The following MYH1 variants were observed in gnomAD, a reference collection of about 807,000 sequenced individuals.
The protein encoded by MYH1 is myosin-1.
In MYH1, 214 loss-of-function variants were observed where a neutral mutation model predicts 225.6. The observed-to-expected ratio is 0.95, with a 90% CI of 0.85 to 1.06. The LOEUF is 1.06. Ranked by LOEUF, MYH1 falls within the 50% of genes least tolerant of loss-of-function variation. The pLI, the probability that MYH1 is intolerant of heterozygous loss-of-function variation, is 0.00. For missense variants in MYH1, 2,098 were observed against 2,344.2 expected (o/e 0.89, Z 2.17); for synonymous variants, 774 against 842.3 (o/e 0.92, Z 1.40).
At position 10,515,882 on chromosome 17, in the gene MYH1, T is replaced by C; in HGVS notation, c.505+44A>G. The C allele has an allele frequency of 3.1e-6, 5 of 1,613,738 alleles. No homozygotes were observed. The South Asian group carries it at 5.5e-5, about 18-fold the overall frequency. On this transcript the variant is annotated intron_variant, in intron 5 of 39. Transcript: ENST00000226207. ...TTTTAGTTCTAATATTTTGTGATTA[T>C]GGATGGTAAAATAATTCATATGAAA... is the stretch of plus-strand genomic sequence containing the variant.
chr17:10,515,805 A>G, intron 5 of MYH1, 121 bp downstream of exon 5: 2 of 1,519,502 alleles, frequency 1.3e-6, no homozygotes, highest in African/African-American at 1.4e-5. Context: ...TGCTTTAGTC[A>G]CCTCTGCTGA....
At position 10,494,598 on chromosome 17, in the gene MYH1, C is replaced by T. The variant is rs772034673; in HGVS notation, c.5542G>A (p.Glu1848Lys). The T allele has an allele frequency of 6.2e-7, 1 of 1,614,012 alleles. No homozygotes were observed. The highest frequency in any genetic ancestry group is 1.1e-5 in the South Asian group (1 of 91,046). Residue 1848 changes from glutamate (E) to lysine (K), a missense_variant, in exon 38 of 40, where the codon GAG becomes AAG. Transcript: ENST00000226207. Reference protein sequence around the residue: ...VEAVKGLRKHERKVKELTYQT... With the variant: ...VEAVKGLRKHKRKVKELTYQT... The stretch of plus-strand genomic sequence containing the variant: ...TAAGTGAGTTCCTTCACTTTTCTCT[C>T]ATGTTTGCGTAGACCCTTGACAGCT...
Position 10,496,536 on chromosome 17 carries a change from T to C in MYH1, c.4670A>G (p.His1557Arg), listed in dbSNP as rs781255683. Reference protein sequence around the residue: ...ALEEAEASLEHEEGKILRIQL... With the variant: ...ALEEAEASLEREEGKILRIQL... ...GATGCGCAGGATCTTTCCCTCTTCA[T>C]GTTCAAGAGATGCCTTAATGACAGC... The change falls in exon 34 of 40, where the codon CAT (histidine) becomes CGT (arginine). Residue 1557 changes from histidine (H) to arginine (R), a missense_variant. His to Arg is a conservative substitution (Grantham distance 29, BLOSUM62 0). Coordinates refer to ENST00000226207, the MANE Select transcript of MYH1 (RefSeq NM_005963.4). 6.2e-7 allele frequency: 1 copy of C among 1,614,148 alleles called. No homozygotes were observed. Among genetic ancestry groups the C allele is most frequent in the Non-Finnish European group, 8.5e-7 (1 of 1,180,034 alleles).
Position 10,492,517 on chromosome 17 carries a change from G to T in MYH1, c.5719C>A (p.Leu1907Met). ...TCAGCCCGTTCCTCGGCCTCCTCCA[G>T]CTCGTGCTGGATCCTGCGGAATTTG... The part of the protein sequence containing the change: ...LSKFRRIQHE[L>M]EEAEERADIA... Residue 1907 changes from leucine to methionine, a missense_variant, in exon 40 of 40, where the codon CTG (leucine) becomes ATG (methionine). Leu to Met is a conservative substitution (Grantham distance 15, BLOSUM62 2). Transcript: ENST00000226207. 6.2e-7 allele frequency: 1 copy of T among 1,614,116 alleles called. No individual in the cohort carries two copies. Among genetic ancestry groups the T allele is most frequent in the Non-Finnish European group, 8.5e-7 (1 of 1,179,990 alleles).
At position 10,502,858 on chromosome 17, in the gene MYH1, G is replaced by C; in HGVS notation, c.2991C>G (p.Thr997=). The C allele has an allele frequency of 6.2e-7, 1 of 1,613,936 alleles. No homozygotes were observed. Among genetic ancestry groups the C allele is most frequent in the South Asian group, 1.1e-5 (1 of 91,070 alleles). The change falls in exon 24 of 40, where the codon ACC becomes ACG. Residue 997 remains threonine, a synonymous_variant. Transcript: ENST00000226207. ...AGLDETIAKL[T]KEKKALQEAH... is the part of the protein sequence containing the mutation. Reference sequence around the variant, plus strand: ...CCTCCTGGAGAGCCTTCTTCTCCTTGGTCAGCTTAGCAATGGTTTCATCCA... The same window carrying C: ...CCTCCTGGAGAGCCTTCTTCTCCTTCGTCAGCTTAGCAATGGTTTCATCCA...
At chr17:10,494,492 T>C (rs2072966811) in intron 38 of MYH1, 43 bp from the exon 39 acceptor site, 1 of 1,610,174 alleles carries the variant, frequency 6.2e-7, no homozygotes, top group Non-Finnish European at 8.5e-7. Context: ...AAAGTACAAA[T>C]ATTACATTTT....
rs1367699607 is a variant in MYH1 at position 10,512,670 on chromosome 17, G to A, written c.1008+11C>T. The A allele has an allele frequency of 2.5e-6, 4 of 1,612,806 alleles. No homozygotes were observed. The highest frequency in any genetic ancestry group is 1.7e-5 in the Admixed American group (1 of 59,990). The stretch of plus-strand genomic sequence containing the variant: ...TAATGGATTTTAAATTAAAATTCAT[G>A]TATAACTTACATCTGTAGCCATCAA... On this transcript the variant is annotated intron_variant, in intron 11 of 39. Transcript: ENST00000226207.
chr17:10,513,146 GA>G (rs1328221879), intron 9 of MYH1, among the ~76,000 whole-genome samples, 181 bp from the exon 10 acceptor site: 3 of 152,008 alleles, frequency 2.0e-5, no homozygotes, highest in Non-Finnish European at 4.4e-5. Flanking sequence ...TGCCTCCTGG[GA>G]AAAAAGTGAA....
At chr17:10,494,317 G>T in intron 39 of MYH1, 37 bp downstream of exon 39, 1 of 1,577,158 alleles carries the variant, frequency 6.3e-7, no homozygotes. Flanking sequence ...GCCTGGTCAT[G>T]TCTGAGAAAA....
rs771180196 is a variant in MYH1, at chr17:10,499,104, C to T, written c.3866-12G>A. 1 of 1,594,062 alleles carries T rather than the reference C, an allele frequency of 6.3e-7. No homozygotes were observed. The highest frequency in any genetic ancestry group is 8.6e-7 in the Non-Finnish European group (1 of 1,163,924). ...GCGTGAATATTCACCTGTAAAAGACCAAGTCCAGAAAACTCAACCTTACTT... is the reference window on the plus strand; with the variant it reads ...GCGTGAATATTCACCTGTAAAAGACTAAGTCCAGAAAACTCAACCTTACTT... On this transcript the variant is annotated splice_polypyrimidine_tract_variant and intron_variant, in intron 28 of 39. Transcript: ENST00000226207.
In MYH1 at chr17:10,492,625, G is replaced by A. The variant is rs372441440; in HGVS notation, c.5668-57C>T. 8.6e-6 allele frequency: 13 copies of A among 1,517,674 alleles called. No individual in the cohort carries two copies. The African/African-American group carries it at 1.3e-4, about 15-fold the overall frequency. The allele number at this position is 1,517,674 out of a possible 1,614,324, so 94.0% of individuals were successfully genotyped here. The stretch of plus-strand genomic sequence containing the variant: ...AAGTTCAGAATTTTTCCATTCTTAG[G>A]TCAGTGGATCTTGAATTTCCTTTTT... On this transcript the variant is annotated intron_variant, in intron 39 of 39. Transcript: ENST00000226207.
At chr17:10,493,853 C>A (rs2072959660) in intron 39 of MYH1, among the ~76,000 whole-genome samples, 1 of 152,220 alleles carries the variant, frequency 6.6e-6, no homozygotes, top group African/African-American at 2.4e-5. Context: ...CTCTGCTCCA[C>A]TCTCTTATCC....
rs565358656 is a variant in MYH1 at position 10,501,031 on chromosome 17, C to G, written c.3738+79G>C. 601 of 1,571,774 alleles carry G rather than the reference C, an allele frequency of 3.8e-4. 7 individuals carry two copies. In the South Asian group the frequency reaches 5.5e-3, roughly 14 times the overall value. On this transcript the variant is annotated intron_variant, in intron 27 of 39. Coordinates refer to ENST00000226207, the MANE Select transcript of MYH1 (RefSeq NM_005963.4). ...AGGGTGCCTGATTTAGTTCATGAGA[C>G]GTTTTTGAGATACAAATCATATTTG...
rs756694782 is a variant in MYH1 at position 10,505,465 on chromosome 17, CGATG to C, written c.2217_2220del (p.Phe739LeufsTer38). 9 of 1,614,146 alleles carry C rather than the reference CGATG, an allele frequency of 5.6e-6. No homozygotes were observed. The African/African-American group carries it at 1.1e-4, about 19-fold the overall frequency. The stretch of plus-strand genomic sequence containing the variant: ...AGCTTCTCTGAAGCCTTCTTGCTAT[CGATG>C]AATTGTCCTTCAGGGATAGCACTTG... On this transcript the variant is annotated frameshift_variant, in exon 20 of 40. Transcript: ENST00000226207. LOFTEE classifies it high-confidence loss of function.
At chr17:10,512,617 AGAT>A in intron 11 of MYH1, 61 bp downstream of exon 11, 2 of 1,611,572 alleles carry the variant, frequency 1.2e-6, no homozygotes, top group South Asian at 2.2e-5. Flanking sequence ...ACACACATAT[AGAT>A]GGCTGTTATT....
chr17:10,516,155 T>G, intron 4 of MYH1, 44 bp downstream of exon 4: 2 of 1,613,592 alleles, frequency 1.2e-6, no homozygotes, highest in Non-Finnish European at 1.7e-6. Flanking sequence ...TTTCAAAAAC[T>G]ATTAACTACT....
In MYH1 at chr17:10,505,371, G is replaced by A. The variant is rs774854689; in HGVS notation, c.2298+17C>T. ...AAGGGACAGGAATAGCATCAGGTAG[G>A]ATTTACAGAATATTACCTTGGTGTG... On this transcript the variant is annotated intron_variant, in intron 20 of 39. Transcript: ENST00000226207. 1.2e-6 allele frequency: 2 copies of A among 1,614,186 alleles called. No individual in the cohort carries two copies. Among genetic ancestry groups the A allele is most frequent in the Non-Finnish European group, 1.7e-6 (2 of 1,180,020 alleles).
chr17:10,508,784 G>A, intron 15 of MYH1, 112 bp from the exon 16 acceptor site: 2 of 1,431,748 alleles, frequency 1.4e-6, no homozygotes, highest in Non-Finnish European at 1.9e-6. Flanking sequence ...ATTCTACAGA[G>A]TTAACGAAAA....
In MYH1 at chr17:10,495,028, A is replaced by G. The variant is rs750590975; in HGVS notation, c.5369T>C (p.Leu1790Pro). The change falls in exon 37 of 40, where the codon CTG (leucine) becomes CCG (proline). Residue 1790 changes from leucine to proline, a missense_variant. Transcript: ENST00000226207. ...SAHLERMKKN[L>P]EQTVKDLQHR... is the part of the protein sequence containing the mutation. ...CTGCAGGTCCTTCACCGTCTGTTCC[A>G]GGTTCTTCTTCATCCGCTCCAGATG... 4 of 1,614,078 alleles carry G rather than the reference A, an allele frequency of 2.5e-6. No homozygotes were observed. Among genetic ancestry groups the G allele is most frequent in the East Asian group, 4.5e-5 (2 of 44,900 alleles).
Sources: gnomAD v4.1 joint callset for allele counts (sites outside exome capture counted in the v4.1 genomes callset) on GRCh38, gnomAD v4.1.1 for gene constraint, MANE v1.5 for transcripts, NCBI Gene and HGNC (gene_info 2026-07-23, HGNC 2026-07-21) for gene names.